Variants in ANOS1 observed in about 807,000 individuals in gnomAD.
The protein encoded by ANOS1 is anosmin 1.
In ANOS1, 6 loss-of-function variants were observed where a neutral mutation model predicts 59.0. The ratio of observed to expected loss-of-function variants is 0.10; its 90% confidence interval spans 0.06 to 0.20. The LOEUF (loss-of-function observed/expected upper bound fraction) is 0.20, where lower values mean the gene tolerates loss of function less well. Ranked by LOEUF, ANOS1 falls within the 10% of genes least tolerant of loss-of-function variation. The pLI is 1.00. For missense variants in ANOS1, 433 were observed against 542.3 expected (o/e 0.80, Z 2.00); for synonymous variants, 217 against 223.4 (o/e 0.97, Z 0.25).
At chrX:8,627,720 T>C (rs1269511498) in intron 2 of ANOS1, among the ~76,000 whole-genome samples, 1 of 109,884 alleles carries the variant, frequency 9.1e-6, no homozygotes, top group African/African-American at 3.3e-5. Flanking sequence ...TTTATAATAC[T>C]CTGGCCAGTT....
intron 2 of ANOS1, among the ~76,000 whole-genome samples, chrX:8,631,662 G>A (rs751129471): frequency 1.8e-5 from 2 of 111,974 alleles, no homozygotes; most frequent in South Asian, 7.5e-4. Context: ...TCTGACTGAA[G>A]ATCAGGATGA....
chrX:8,573,958 A>G (rs1483089536), intron 6 of ANOS1, among the ~76,000 whole-genome samples: 1 of 111,705 alleles, frequency 9.0e-6, no homozygotes, highest in Admixed American at 9.5e-5. Context: ...CTGCCTCCCT[A>G]GAGGTTTTTC....
intron 2 of ANOS1, among the ~76,000 whole-genome samples, chrX:8,690,592 A>T (rs947149084): frequency 1.8e-5 from 2 of 111,425 alleles, no homozygotes; most frequent in Admixed American, 9.6e-5. Flanking sequence ...GGCTCTATGG[A>T]TTTACAGTCA....
chrX:8,615,123 T>C (rs1278390344), intron 3 of ANOS1, among the ~76,000 whole-genome samples: 1 of 111,502 alleles, frequency 9.0e-6, no homozygotes, highest in Non-Finnish European at 1.9e-5. Context: ...CATCTCTTCA[T>C]TGGTGCCCAA....
Position 8,591,293 on chromosome X carries a change from T to G in ANOS1, c.542-3315A>C, listed in dbSNP as rs889536422. Among the ~76,000 whole-genome samples, 11 of 111,690 alleles carry G rather than the reference T, an allele frequency of 9.8e-5. No individual in the cohort carries two copies. The East Asian group carries it at 1.1e-3, about 11-fold the overall frequency. The stretch of plus-strand genomic sequence containing the variant: ...AGGGAGAGTAGCCGCAGAGAACATT[T>G]CATGATTTACTTGATTCCTTGGTGC... On this transcript the variant is annotated intron_variant, in intron 4 of 13. Transcript: ENST00000262648.
Position 8,653,222 on chromosome X carries a change from T to A in ANOS1, c.256-29552A>T, listed in dbSNP as rs377177596. ...ATACTCACACTCACTCACACTAAGA[T>A]CTGTTTCTTTTGTTCTTGCTTTTAT... On this transcript the variant is annotated intron_variant, in intron 2 of 13. Coordinates refer to ENST00000262648, the MANE Select transcript of ANOS1 (RefSeq NM_000216.4). Among the ~76,000 whole-genome samples the A allele has an allele frequency of 7.2e-5, 8 of 111,489 alleles. No individual in the cohort carries two copies. The East Asian group carries it at 1.4e-3, about 20-fold the overall frequency.
intron 1 of ANOS1, among the ~76,000 whole-genome samples, chrX:8,720,169 T>A (rs986087194): frequency 3.1e-4 from 35 of 111,849 alleles, no homozygotes; most frequent in Non-Finnish European, 1.3e-4. Flanking sequence ...GAAGCAAGCA[T>A]GTCAGGCACA....
chrX:8,718,318 T>A (rs1035933232), intron 1 of ANOS1, among the ~76,000 whole-genome samples: 1 of 110,180 alleles, frequency 9.1e-6, no homozygotes, highest in African/African-American at 3.3e-5. Context: ...CACCTCAGCC[T>A]CCCAAAGCAC....
In ANOS1 at chrX:8,731,908, G is replaced by C; in HGVS notation, c.129C>G (p.Ser43Arg). Residue 43 changes from serine to arginine, a missense_variant, in exon 1 of 14, where the codon AGC becomes AGG. Transcript: ENST00000262648. The part of the protein sequence containing the change: ...RRLDESLSAG[S>R]VQRARCASRC... ...TGGAGGCGCAGCGAGCGCGCTGGAC[G>C]CTCCCGGCAGACAGCGACTCGTCCA... is the stretch of plus-strand genomic sequence containing the variant. 8.5e-7 allele frequency: 1 copy of C among 1,176,090 alleles called. No homozygotes were observed. Among genetic ancestry groups the C allele is most frequent in the Non-Finnish European group, 1.1e-6 (1 of 880,061 alleles).
chrX:8,670,019 A>T (rs1355421939), intron 2 of ANOS1, among the ~76,000 whole-genome samples: 1 of 111,971 alleles, frequency 8.9e-6, no homozygotes, highest in East Asian at 2.8e-4. Context: ...AGAGAAAAGT[A>T]GAGAAAACAT....
At position 8,551,945 on chromosome X, in the gene ANOS1, A is replaced by C. The variant is rs202086712; in HGVS notation, c.1354+2007T>G. 5.4e-4 allele frequency among the ~76,000 whole-genome samples: 61 copies of C among 112,628 alleles called. No individual in the cohort carries two copies. The East Asian group carries it at 0.016, about 30-fold the overall frequency. ...CTGAGATCGTGCCACTGCACCCCAG[A>C]CTGGGCGACAGATCAAGACTGTGTC... On this transcript the variant is annotated intron_variant, in intron 9 of 13. Coordinates refer to ENST00000262648, the MANE Select transcript of ANOS1 (RefSeq NM_000216.4).
At chrX:8,625,255 A>T (rs913554942) in intron 2 of ANOS1, among the ~76,000 whole-genome samples, 14 of 112,382 alleles carry the variant, frequency 1.2e-4, no homozygotes, top group Non-Finnish European at 2.6e-4. Flanking sequence ...TCAAAATTAT[A>T]TTTAATGCAA....
chrX:8,622,324 A>G (rs1313468451), intron 3 of ANOS1, among the ~76,000 whole-genome samples: 1 of 112,095 alleles, frequency 8.9e-6, no homozygotes, highest in African/African-American at 3.2e-5. Context: ...GAGTATGGGA[A>G]AGGTCAAGTA....
intron 2 of ANOS1, among the ~76,000 whole-genome samples, chrX:8,647,303 G>A (rs1032091484): frequency 4.5e-5 from 5 of 110,733 alleles, no homozygotes; most frequent in African/African-American, 1.6e-4. Context: ...AGTGATATAG[G>A]GTACATGCTT....
chrX:8,576,491 T>TACACACACACACACAC (rs769843705), intron 6 of ANOS1, among the ~76,000 whole-genome samples: 3 of 93,475 alleles, frequency 3.2e-5, no homozygotes. Flanking sequence ...CACACACACA[T>TACACACACACACACAC]ACACACACAC....
At chrX:8,547,709 T>C (rs1037977218) in intron 9 of ANOS1, among the ~76,000 whole-genome samples, 2 of 111,732 alleles carry the variant, frequency 1.8e-5, no homozygotes, top group African/African-American at 6.5e-5. Context: ...TTCATTGATA[T>C]CTAAGTTAAT....
At chrX:8,717,147 C>T (rs1932846182) in intron 1 of ANOS1, among the ~76,000 whole-genome samples, 1 of 111,838 alleles carries the variant, frequency 8.9e-6, no homozygotes, top group African/African-American at 3.3e-5. Flanking sequence ...ATAATATACA[C>T]ACAGACGAAT....
At chrX:8,690,591 G>A (rs1332493366) in intron 2 of ANOS1, among the ~76,000 whole-genome samples, 1 of 111,245 alleles carries the variant, frequency 9.0e-6, no homozygotes, top group Non-Finnish European at 1.9e-5. Flanking sequence ...GGGCTCTATG[G>A]ATTTACAGTC....
intron 3 of ANOS1, among the ~76,000 whole-genome samples, chrX:8,610,033 A>AAAAAAAAAAAAAAAC (rs1287806402): frequency 2.4e-5 from 2 of 82,714 alleles, no homozygotes; most frequent in African/African-American, 9.8e-5. Flanking sequence ...AAAAAAAAAA[A>AAAAAAAAAAAAAAAC]AACAACAACC....
Sources: allele counts gnomAD v4.1 joint callset (sites outside exome capture counted in the v4.1 genomes callset), GRCh38; gene constraint gnomAD v4.1.1; transcripts MANE v1.5; gene names NCBI Gene and HGNC (gene_info 2026-07-23, HGNC 2026-07-21).